The following PRELID2 variants were observed in gnomAD, a reference collection of about 807,000 sequenced individuals.
PRELID2 encodes the protein PRELI domain containing 2.
PRELID2 carries 25 observed loss-of-function variants against 28.4 expected under a neutral mutation model. That is an observed-to-expected ratio of 0.88 (90% CI 0.64 to 1.23). PRELID2 has a LOEUF of 1.23. Ranked by LOEUF, PRELID2 falls within the 50% of genes most tolerant of loss-of-function variation. The pLI is 0.00. For synonymous variants in PRELID2, 76 were observed against 71.6 expected, an observed-to-expected ratio of 1.06 and a Z score of -0.31; for missense variants, 201 against 214.4, an observed-to-expected ratio of 0.94 and a Z score of 0.39.
intron 1 of PRELID2, among the ~76,000 whole-genome samples, chr5:145,657,138 A>G (rs977637162): frequency 2.0e-5 from 3 of 152,152 alleles, no homozygotes; most frequent in Non-Finnish European, 4.4e-5. Flanking sequence ...CTGGAAGGAA[A>G]TGGGTCAAAC....
chr5:145,468,195 C>T (rs1752020699), downstream of PRELID2, among the ~76,000 whole-genome samples: 1 of 152,062 alleles, frequency 6.6e-6, no homozygotes, highest in African/African-American at 2.4e-5. Flanking sequence ...CGATAGTTTG[C>T]TGAGAATGGT....
chr5:145,528,433 T>C (rs545026110), intron 1 of PRELID2, among the ~76,000 whole-genome samples: 154 of 152,158 alleles, frequency 1.0e-3, no homozygotes, highest in African/African-American at 3.5e-3. Context: ...CCCAACTTTA[T>C]AAAGGAGCTG....
At chr5:145,328,475 A>T in the PRELID2 span, among the ~76,000 whole-genome samples, 1 of 152,074 alleles carries the variant, frequency 6.6e-6, no homozygotes, top group Non-Finnish European at 1.5e-5. Context: ...ATGATTGCCA[A>T]TCTGACTGGC....
the PRELID2 span, among the ~76,000 whole-genome samples, chr5:145,433,806 T>A: frequency 6.6e-6 from 1 of 152,186 alleles, no homozygotes; most frequent in South Asian, 2.1e-4. Context: ...CTAGGCATGG[T>A]AGCTTCTTCC....
At chr5:145,511,294 A>G (rs1640155708) in intron 1 of PRELID2, among the ~76,000 whole-genome samples, 2 of 152,246 alleles carry the variant, frequency 1.3e-5, no homozygotes, top group South Asian at 4.1e-4. Context: ...TTTTAATTAA[A>G]AAATAGTACC....
the PRELID2 span, among the ~76,000 whole-genome samples, chr5:145,328,356 C>T: frequency 1.3e-5 from 2 of 152,140 alleles, no homozygotes; most frequent in Non-Finnish European, 2.9e-5. Flanking sequence ...TGAGGAAACA[C>T]CACACAGTCT....
intron 1 of PRELID2, among the ~76,000 whole-genome samples, chr5:145,622,838 T>G (rs557670667): frequency 6.6e-6 from 1 of 152,040 alleles, no homozygotes; most frequent in South Asian, 2.1e-4. Flanking sequence ...GCTAGACAAA[T>G]TATCTGTATT....
At chr5:145,650,521 CACATATATACATAT>C (rs1346993356) in intron 1 of PRELID2, among the ~76,000 whole-genome samples, 1 of 105,400 alleles carries the variant, frequency 9.5e-6, no homozygotes, top group African/African-American at 3.9e-5. Flanking sequence ...TATCGAATCG[CACATATATACATAT>C]ATATATATAT....
the PRELID2 span, among the ~76,000 whole-genome samples, chr5:145,448,323 G>GT: frequency 6.6e-6 from 1 of 151,798 alleles, no homozygotes. Flanking sequence ...GGGGTTGTTT[G>GT]TTTTTTTCTT....
chr5:145,712,334 T>C, intron 1 of PRELID2, among the ~76,000 whole-genome samples: 1 of 152,250 alleles, frequency 6.6e-6, no homozygotes, highest in East Asian at 1.9e-4. Context: ...GCTATTGTAT[T>C]TGTATATTAG....
intron 1 of PRELID2, among the ~76,000 whole-genome samples, chr5:145,494,570 G>A (rs191796914): frequency 5.8e-4 from 88 of 152,116 alleles, no homozygotes; most frequent in Non-Finnish European, 1.1e-3. Context: ...CAAGTAATAA[G>A]GGAGTTCCCT....
chr5:145,401,223 CTT>C, the PRELID2 span, among the ~76,000 whole-genome samples: 2 of 145,452 alleles, frequency 1.4e-5, no homozygotes, highest in Admixed American at 1.4e-4. Flanking sequence ...TCTAGGATTT[CTT>C]TTTTTTTTTT....
At chr5:145,282,063 A>G in the PRELID2 span, among the ~76,000 whole-genome samples, 5 of 152,186 alleles carry the variant, frequency 3.3e-5, no homozygotes, top group African/African-American at 1.2e-4. Context: ...CCTTTTTAAT[A>G]CTGATACAAA....
chr5:145,415,372 G>A, the PRELID2 span, among the ~76,000 whole-genome samples: 1 of 151,470 alleles, frequency 6.6e-6, no homozygotes, highest in African/African-American at 2.4e-5. Context: ...ATGCTGGTGT[G>A]CTGCACCCAT....
rs188594638 is a variant in PRELID2, at chr5:145,516,803, G to A, written n.71-43488C>T. On this transcript the variant is annotated intron_variant and non_coding_transcript_variant, in intron 1 of 2. Coordinates refer to the PRELID2 transcript ENST00000510259. Reference sequence around the variant, plus strand: ...ACCAAAACAGATATATAGACCAATGGAACAGAACAGAGCACTCAGAAGTAA... The same window carrying A: ...ACCAAAACAGATATATAGACCAATGAAACAGAACAGAGCACTCAGAAGTAA... Among the ~76,000 whole-genome samples, 542 of 152,162 alleles carry A rather than the reference G, an allele frequency of 3.6e-3. 5 individuals carry two copies. The highest frequency in any genetic ancestry group is 0.013 in the African/African-American group (526 of 41,486).
chr5:145,294,743 T>C, the PRELID2 span, among the ~76,000 whole-genome samples: 1 of 152,174 alleles, frequency 6.6e-6, no homozygotes, highest in Non-Finnish European at 1.5e-5. Context: ...GTTTAGGTGA[T>C]AGAACCATGA....
intron 1 of PRELID2, among the ~76,000 whole-genome samples, chr5:145,500,894 C>T (rs1752354065): frequency 1.3e-5 from 2 of 152,134 alleles, no homozygotes; most frequent in Admixed American, 6.5e-5. Context: ...GTCCTTGGGT[C>T]ATTCGCTCAA....
chr5:145,541,720 T>A (rs937568121), intron 1 of PRELID2, among the ~76,000 whole-genome samples: 2 of 152,080 alleles, frequency 1.3e-5, no homozygotes, highest in African/African-American at 2.4e-5. Context: ...TCAGTTTTTA[T>A]GAATTCTTTT....
intron 1 of PRELID2, among the ~76,000 whole-genome samples, chr5:145,512,890 G>C (rs1041200596): frequency 1.6e-4 from 25 of 152,330 alleles, no homozygotes; most frequent in Admixed American, 5.9e-4. Flanking sequence ...CTGCAGCAGA[G>C]AGGACTGACT....
Sources: gnomAD v4.1 joint callset for allele counts (sites outside exome capture counted in the v4.1 genomes callset) on GRCh38, gnomAD v4.1.1 for gene constraint, MANE v1.5 for transcripts, NCBI Gene and HGNC (gene_info 2026-07-23, HGNC 2026-07-21) for gene names.